The following RP1 variants were observed in gnomAD, a reference collection of about 807,000 sequenced individuals.
RP1 encodes the protein oxygen-regulated protein 1.
In RP1, 16 loss-of-function variants were observed where a neutral mutation model predicts 14.8. That is an observed-to-expected ratio of 1.08 (90% confidence interval 0.73 to 1.65). RP1 has a LOEUF of 1.65. Among genes scored for constraint, RP1 ranks in the 40% most tolerant of loss-of-function variants. The probability of loss-of-function intolerance (pLI) is 0.00; values close to 1 mark genes in which losing one functional copy is unlikely to be tolerated. For synonymous variants in RP1, 876 were observed against 883.6 expected, an observed-to-expected ratio of 0.99 and a Z score of 0.15; for missense variants, 2,631 against 2,535.0, an observed-to-expected ratio of 1.04 and a Z score of -0.81.
intron 24 of RP1, among the ~76,000 whole-genome samples, chr8:54,799,677 C>T (rs1286285361): frequency 6.6e-6 from 1 of 151,410 alleles, no homozygotes; most frequent in African/African-American, 2.4e-5. Context: ...ACTGGTTTCC[C>T]CATGGTTTAG....
chr8:54,617,478 T>C (rs567909499), intron 1 of RP1, among the ~76,000 whole-genome samples: 1 of 152,350 alleles, frequency 6.6e-6, no homozygotes, highest in Admixed American at 6.5e-5. Flanking sequence ...GGAGGGCTGG[T>C]AGCTCTGTTT....
In RP1 at chr8:54,789,120, A is replaced by C. The variant is rs187100895; in HGVS notation, c.3615+5410A>C. On this transcript the variant is annotated intron_variant, in intron 24 of 28. Transcript: ENST00000637698. ...AGGGCTAGATTCTATGGGGTCAGCC[A>C]GGAACAAAGAAGCATGGCAGGGGTT... Among the ~76,000 whole-genome samples the C allele has an allele frequency of 3.6e-3, 554 of 152,320 alleles. 1 individual carries two copies. The highest frequency in any genetic ancestry group is 3.4e-3 in the Middle Eastern group (1 of 294).
chr8:54,747,541 T>C (rs1292703495), intron 19 of RP1, among the ~76,000 whole-genome samples: 1 of 152,256 alleles, frequency 6.6e-6, no homozygotes, highest in Non-Finnish European at 1.5e-5. Context: ...ATGTAGTAGA[T>C]GTTAAACATT....
intron 16 of RP1, among the ~76,000 whole-genome samples, chr8:54,725,756 A>T (rs1017566278): frequency 1.3e-5 from 2 of 152,204 alleles, no homozygotes; most frequent in Non-Finnish European, 2.9e-5. Flanking sequence ...AAATGAACAC[A>T]AACAACTTGA....
intron 1 of RP1, among the ~76,000 whole-genome samples, chr8:54,609,012 G>C (rs147834144): frequency 2.2e-4 from 34 of 152,292 alleles, no homozygotes; most frequent in African/African-American, 7.9e-4. Context: ...TCCAGTTGAT[G>C]GGGCTGGGGA....
intron 19 of RP1, among the ~76,000 whole-genome samples, chr8:54,748,628 G>A (rs1278234660): frequency 6.6e-5 from 10 of 152,130 alleles, no homozygotes; most frequent in Non-Finnish European, 8.8e-5. Context: ...AAAATGTTCC[G>A]TATGAACACA....
intron 1 of RP1, among the ~76,000 whole-genome samples, chr8:54,601,902 A>G (rs1805302234): frequency 6.6e-6 from 1 of 152,226 alleles, no homozygotes; most frequent in African/African-American, 2.4e-5. Context: ...GACAGAAAGT[A>G]GATTCGTGGT....
intron 27 of RP1, among the ~76,000 whole-genome samples, chr8:54,862,883 T>C (rs1171203020): frequency 6.6e-6 from 1 of 152,064 alleles, no homozygotes; most frequent in Non-Finnish European, 1.5e-5. Flanking sequence ...GGAGAGCAAC[T>C]AGCAGTGACT....
chr8:54,652,540 C>T (rs74888900), intron 4 of RP1, among the ~76,000 whole-genome samples: 3,420 of 152,070 alleles, frequency 0.022, 135 homozygotes, highest in African/African-American at 0.077. Context: ...TTCTACCCAT[C>T]ATTAAAGTTG....
chr8:54,662,947 T>C (rs147220722), intron 6 of RP1, among the ~76,000 whole-genome samples: 3 of 152,304 alleles, frequency 2.0e-5, no homozygotes, highest in South Asian at 4.1e-4. Flanking sequence ...TTCTGTACAG[T>C]AGTCCCCGCT....
At chr8:54,740,482 G>T (rs1223546127) in intron 19 of RP1, among the ~76,000 whole-genome samples, 7 of 151,496 alleles carry the variant, frequency 4.6e-5, no homozygotes, top group Admixed American at 4.6e-4. Context: ...CTAGCACTTT[G>T]GGAGGCCAAG....
chr8:54,855,133 G>A (rs1024945275), intron 26 of RP1, among the ~76,000 whole-genome samples: 2 of 152,116 alleles, frequency 1.3e-5, no homozygotes, highest in Non-Finnish European at 2.9e-5. Flanking sequence ...GACTACTCTA[G>A]GTACCTCATA....
rs374344126 is a variant in RP1 at position 54,823,054 on chromosome 8, A to G, written c.3616-14396A>G. ...AGTTCAGTATCTAAGCCTTAGTACAATGTGTGTGCATAGTTCTACGTTGTT... is the reference window on the plus strand; with the variant it reads ...AGTTCAGTATCTAAGCCTTAGTACAGTGTGTGTGCATAGTTCTACGTTGTT... On this transcript the variant is annotated intron_variant, in intron 24 of 28. Coordinates refer to the RP1 transcript ENST00000637698. 5.3e-5 allele frequency among the ~76,000 whole-genome samples: 8 copies of G among 152,234 alleles called. No homozygotes were observed. In the East Asian group the frequency reaches 1.4e-3, roughly 26 times the overall value.
At chr8:54,621,846 AAT>A (rs1377147881) in intron 2 of RP1, among the ~76,000 whole-genome samples, 1 of 152,122 alleles carries the variant, frequency 6.6e-6, no homozygotes, top group Non-Finnish European at 1.5e-5. Flanking sequence ...CAATCTTGAT[AAT>A]ATTTTTTGGA....
chr8:54,729,347 A>G (rs1042294420), intron 17 of RP1, among the ~76,000 whole-genome samples: 1 of 152,150 alleles, frequency 6.6e-6, no homozygotes, highest in Non-Finnish European at 1.5e-5. Flanking sequence ...GGCAAATCCT[A>G]ATCTGTGCCA....
intron 25 of RP1, among the ~76,000 whole-genome samples, chr8:54,839,806 A>G (rs1811748509): frequency 6.6e-6 from 1 of 152,220 alleles, no homozygotes; most frequent in Non-Finnish European, 1.5e-5. Flanking sequence ...ACACAGCAAG[A>G]AAGATTTGGG....
At chr8:54,686,697 C>A (rs1255441666) in intron 12 of RP1, among the ~76,000 whole-genome samples, 1 of 152,112 alleles carries the variant, frequency 6.6e-6, no homozygotes, top group African/African-American at 2.4e-5. Context: ...AAGGACCAGA[C>A]AATGAAAGCT....
At chr8:54,577,600 T>C (rs1364482421) in intron 1 of RP1, among the ~76,000 whole-genome samples, 2 of 152,228 alleles carry the variant, frequency 1.3e-5, no homozygotes, top group African/African-American at 4.8e-5. Flanking sequence ...TGTTGTGAAT[T>C]ACTTATGAAT....
intron 23 of RP1, among the ~76,000 whole-genome samples, chr8:54,777,465 G>C (rs1474369011): frequency 6.6e-6 from 1 of 152,166 alleles, no homozygotes; most frequent in Non-Finnish European, 1.5e-5. Context: ...ACTTAAAGTG[G>C]AGAAAATTGA....
Sources: gnomAD v4.1 joint callset for allele counts (sites outside exome capture counted in the v4.1 genomes callset) on GRCh38, gnomAD v4.1.1 for gene constraint, MANE v1.5 for transcripts, NCBI Gene and HGNC (gene_info 2026-07-23, HGNC 2026-07-21) for gene names.